Variants in ICA1 observed in about 807,000 individuals in gnomAD.
The protein encoded by ICA1 is 69 kDa islet cell autoantigen.
In ICA1, 40 loss-of-function variants were observed where a neutral mutation model predicts 71.0. That is an observed-to-expected ratio of 0.56 (90% CI 0.44 to 0.73). ICA1 has a LOEUF of 0.73. Among genes scored for constraint, ICA1 ranks in the 30% least tolerant of loss-of-function variants. The pLI is 0.00. For synonymous variants in ICA1, 207 were observed against 209.5 expected (o/e 0.99, Z 0.10); for missense variants, 578 against 576.5 (o/e 1.00, Z -0.03).
chr7:8,167,059 G>A (rs1806273896), intron 6 of ICA1, among the ~76,000 whole-genome samples: 1 of 152,184 alleles, frequency 6.6e-6, no homozygotes, highest in African/African-American at 2.4e-5. Context: ...GGGAACAGCA[G>A]TTTGGTGAGT....
chr7:8,221,592 C>G (rs532112025), intron 4 of ICA1, among the ~76,000 whole-genome samples, 194 bp from the exon 5 acceptor site: 1 of 152,134 alleles, frequency 6.6e-6, no homozygotes, highest in Non-Finnish European at 1.5e-5. Context: ...ATTTACAATA[C>G]GAGAGATCAA....
chr7:8,172,018 C>T (rs768065760), intron 6 of ICA1, among the ~76,000 whole-genome samples: 6 of 151,748 alleles, frequency 4.0e-5, no homozygotes, highest in Non-Finnish European at 7.4e-5. Context: ...TTTTATAAAC[C>T]TAAACACAGT....
chr7:8,198,985 C>G (rs1788620207), intron 6 of ICA1, among the ~76,000 whole-genome samples: 1 of 152,126 alleles, frequency 6.6e-6, no homozygotes, highest in South Asian at 2.1e-4. Context: ...AACAGGCATA[C>G]AAAAAAGTGC....
At chr7:8,171,904 C>T (rs1294486172) in intron 6 of ICA1, among the ~76,000 whole-genome samples, 1 of 151,870 alleles carries the variant, frequency 6.6e-6, no homozygotes, top group East Asian at 1.9e-4. Context: ...TCCAATTATT[C>T]AGGGGATATT....
rs201153458 is a variant in ICA1, at chr7:8,128,139, C to T, written c.1064G>A (p.Cys355Tyr). Residue 355 changes from cysteine (C) to tyrosine (Y), a missense_variant, in exon 13 of 14, where the codon TGC becomes TAC. Coordinates refer to ENST00000402384, the MANE Select transcript of ICA1 (RefSeq NM_001136020.3). ...LLDMKSEEGA[C>Y]LGPVAGTPEP... ...CGGGGTCCCTGCCACTGGTCCCAGGCAAGCTGATTGAAGTAACAGAGAACA... is the reference window on the plus strand; with the variant it reads ...CGGGGTCCCTGCCACTGGTCCCAGGTAAGCTGATTGAAGTAACAGAGAACA... 442 of 1,613,744 alleles carry T rather than the reference C, an allele frequency of 2.7e-4. 2 individuals are homozygous for T. Among genetic ancestry groups the T allele is most frequent in the South Asian group, 4.9e-4 (45 of 91,032 alleles).
At chr7:8,135,971 G>C (rs544666411) in intron 12 of ICA1, among the ~76,000 whole-genome samples, 1 of 152,092 alleles carries the variant, frequency 6.6e-6, no homozygotes, top group African/African-American at 2.4e-5. Context: ...TATAATTAAC[G>C]AATTGAGGTC....
At chr7:8,138,435 G>A (rs1017432904) in intron 12 of ICA1, among the ~76,000 whole-genome samples, 7 of 152,098 alleles carry the variant, frequency 4.6e-5, no homozygotes, top group Admixed American at 6.5e-5. Context: ...CACCAAGGCC[G>A]TTGCTATTGT....
intron 1 of ICA1, among the ~76,000 whole-genome samples, chr7:8,240,939 C>T (rs562230072): frequency 1.3e-4 from 20 of 152,300 alleles, no homozygotes; most frequent in African/African-American, 4.8e-4. Flanking sequence ...CTATGCTTGA[C>T]TGGTGTACCT....
chr7:8,188,234 A>G (rs980743255), intron 6 of ICA1, among the ~76,000 whole-genome samples: 2 of 152,224 alleles, frequency 1.3e-5, no homozygotes, highest in African/African-American at 4.8e-5. Context: ...ATACTTTGAG[A>G]GTACAGGAAA....
At chr7:8,220,334 C>T (rs1294360316) in intron 5 of ICA1, among the ~76,000 whole-genome samples, 1 of 152,164 alleles carries the variant, frequency 6.6e-6, no homozygotes, top group African/African-American at 2.4e-5. Flanking sequence ...TTTTCCTCCT[C>T]TTTCTTGGGT....
Position 8,173,143 on chromosome 7 carries a change from G to A in ICA1, c.580-14491C>T, listed in dbSNP as rs79950337. 2.7e-3 allele frequency among the ~76,000 whole-genome samples: 413 copies of A among 152,218 alleles called. 2 individuals carry two copies. The highest frequency in any genetic ancestry group is 4.8e-3 in the Non-Finnish European group (326 of 68,004). ...GCTAACTTAGAAGCAATGAGGTCAC[G>A]GCCTCTGACTATCATGTCCCCTCTC... On this transcript the variant is annotated intron_variant, in intron 6 of 13. Coordinates refer to ENST00000402384, the MANE Select transcript of ICA1 (RefSeq NM_001136020.3). The surrounding 1 kb of genome is among the most constrained non-coding windows in gnomAD (Gnocchi z 4.0).
chr7:8,128,372 G>T (rs963037168), intron 12 of ICA1, among the ~76,000 whole-genome samples: 4 of 152,054 alleles, frequency 2.6e-5, no homozygotes, highest in Admixed American at 2.6e-4. Context: ...TCAGTTTCTG[G>T]GCATCAGACT....
chr7:8,143,880 C>T lies in ICA1; in HGVS notation c.897G>A (p.Pro299=), dbSNP rs56155424. ...GGAAGGAACCTGTGACTTACTGGCT[C>T]GGCTCCTGCACGGCTGCATCTGTAC... ...QESTDAAVQE[P]SQLISLEEEN... is the part of the protein sequence containing the mutation. Residue 299 remains proline (P), a synonymous_variant, in exon 9 of 14, where the codon CCG becomes CCA. Coordinates refer to ENST00000402384, the MANE Select transcript of ICA1 (RefSeq NM_001136020.3). The T allele has an allele frequency of 3.8e-5, 61 of 1,602,150 alleles. 1 individual carries two copies. Among genetic ancestry groups the T allele is most frequent in the African/African-American group, 1.3e-4 (10 of 74,728 alleles).
At chr7:8,138,925 T>C (rs755352411) in intron 11 of ICA1, 44 bp from the exon 12 acceptor site, 11 of 1,598,570 alleles carry the variant, frequency 6.9e-6, no homozygotes, top group South Asian at 1.1e-5. Flanking sequence ...GTCAGTTTCA[T>C]TTTGTGAGGA....
At chr7:8,182,654 G>C (rs908476166) in intron 6 of ICA1, among the ~76,000 whole-genome samples, 1 of 152,102 alleles carries the variant, frequency 6.6e-6, no homozygotes, top group East Asian at 1.9e-4. Flanking sequence ...AAAAATTAAA[G>C]GGTTATTAAA....
intron 6 of ICA1, among the ~76,000 whole-genome samples, chr7:8,195,697 C>A (rs149647006): frequency 6.6e-6 from 1 of 151,874 alleles, no homozygotes; most frequent in African/African-American, 2.4e-5. Context: ...TAAAAACATC[C>A]GGCCGGGCAC....
chr7:8,152,712 ACCT>A (rs1799579331), intron 8 of ICA1, among the ~76,000 whole-genome samples: 1 of 119,942 alleles, frequency 8.3e-6, no homozygotes, highest in Non-Finnish European at 1.8e-5. Flanking sequence ...TACCACCATC[ACCT>A]CCTCCACCAT....
At position 8,117,964 on chromosome 7, in the gene ICA1, G is replaced by C. The variant is rs1037324771; in HGVS notation, c.1331-3920C>G. ...CATTTCCTAGAGTCCTGAGCCCCTG[G>C]AAGCCAGGGACAATGTATTATTCAT... On this transcript the variant is annotated intron_variant, in intron 13 of 13. Coordinates refer to ENST00000402384, the MANE Select transcript of ICA1 (RefSeq NM_001136020.3). Among the ~76,000 whole-genome samples, 4 of 152,306 alleles carry C rather than the reference G, an allele frequency of 2.6e-5. No homozygotes were observed. The South Asian group carries it at 8.3e-4, about 32-fold the overall frequency.
chr7:8,168,830 C>T (rs761348860), intron 6 of ICA1, among the ~76,000 whole-genome samples: 9 of 152,090 alleles, frequency 5.9e-5, no homozygotes, highest in Non-Finnish European at 1.3e-4. Context: ...GCCTCTATTT[C>T]CTTCATTATC....
Sources: allele counts gnomAD v4.1 joint callset (sites outside exome capture counted in the v4.1 genomes callset), GRCh38; gene constraint gnomAD v4.1.1; non-coding constraint Gnocchi (gnomAD v3.1); transcripts MANE v1.5; gene names NCBI Gene and HGNC (gene_info 2026-07-23, HGNC 2026-07-21).